Variants in GART observed in about 807,000 individuals in gnomAD.
The protein encoded by GART is trifunctional purine biosynthetic protein adenosine-3.
Under a neutral mutation model 107.2 loss-of-function variants are expected in GART, and 43 were observed. That is an observed-to-expected ratio of 0.40 (90% CI 0.31 to 0.52). The LOEUF is 0.52. Among genes scored for constraint, GART ranks in the 20% least tolerant of loss-of-function variants. The probability of loss-of-function intolerance (pLI) is 0.52; values close to 1 mark genes in which losing one functional copy is unlikely to be tolerated. For synonymous variants in GART, 434 were observed against 427.0 expected (o/e 1.02, Z -0.20); for missense variants, 1,107 against 1,206.5 (o/e 0.92, Z 1.22).
At chr21:33,532,542 T>C (rs1404380549) in intron 4 of GART, 86 bp from the exon 5 acceptor site, 2 of 938,008 alleles carry the variant, frequency 2.1e-6, no homozygotes, top group Admixed American at 2.0e-5. Context: ...AACGATATGC[T>C]ATAGCAATGA....
chr21:33,536,421 A>G (rs952402510), intron 2 of GART, among the ~76,000 whole-genome samples: 1 of 152,180 alleles, frequency 6.6e-6, no homozygotes, highest in Non-Finnish European at 1.5e-5. Flanking sequence ...TGAAGTGTGC[A>G]ATCACTCTGC....
intron 2 of GART, 105 bp from the exon 3 acceptor site, chr21:33,535,425 G>T: frequency 1.6e-6 from 1 of 620,200 alleles, no homozygotes; most frequent in Non-Finnish European, 2.6e-6. Flanking sequence ...ACTTTAGTAT[G>T]CTTGTTATCT....
chr21:33,541,900 A>G (rs970081483), intron 1 of GART, among the ~76,000 whole-genome samples, 165 bp downstream of exon 1: 1 of 152,228 alleles, frequency 6.6e-6, no homozygotes, highest in Non-Finnish European at 1.5e-5. Context: ...AAACCAGCTA[A>G]CAGTAGCAAG....
At chr21:33,528,963 A>C in intron 7 of GART, 26 bp from the exon 8 acceptor site, 1 of 1,473,774 alleles carries the variant, frequency 6.8e-7, no homozygotes, top group South Asian at 1.1e-5. Context: ...AAACAGTTAA[A>C]TGTAACAGGT....
chr21:33,524,993 A>C lies in GART; in HGVS notation c.1074T>G (p.Pro358=), dbSNP rs2085044584. The change falls in exon 11 of 22, where the codon CCT becomes CCG. Residue 358 remains proline, a synonymous_variant. Coordinates refer to ENST00000381815, the MANE Select transcript of GART (RefSeq NM_000819.5). Reference sequence around the variant, plus strand: ...CCTCCAGTCCTAGAGCTTGAGCCTCAGGAAACCCTAGAAGAGAGCATATTT... The same window carrying C: ...CCTCCAGTCCTAGAGCTTGAGCCTCCGGAAACCCTAGAAGAGAGCATATTT... ...YTKGVEITGF[P]EAQALGLEVF... is the part of the protein sequence containing the mutation. 2.5e-6 allele frequency: 4 copies of C among 1,613,974 alleles called. No homozygotes were observed. Among genetic ancestry groups the C allele is most frequent in the Non-Finnish European group, 3.4e-6 (4 of 1,179,934 alleles).
intron 1 of GART, 62 bp from the exon 2 acceptor site, chr21:33,539,418 C>T: frequency 7.7e-7 from 1 of 1,300,844 alleles, no homozygotes; most frequent in East Asian, 2.5e-5. Flanking sequence ...CAGGGACGGG[C>T]ACAGTGGCTC....
intron 16 of GART, among the ~76,000 whole-genome samples, chr21:33,516,705 C>G (rs772416887): frequency 6.6e-6 from 1 of 152,056 alleles, no homozygotes; most frequent in Non-Finnish European, 1.5e-5. Flanking sequence ...GTGTAGGGCT[C>G]CATCTTAATA....
At chr21:33,526,435 A>T (rs911318605) in intron 10 of GART, among the ~76,000 whole-genome samples, 1 of 152,120 alleles carries the variant, frequency 6.6e-6, no homozygotes, top group African/African-American at 2.4e-5. Flanking sequence ...CGGCCTCCCC[A>T]AGTGTTAGGA....
In GART at chr21:33,504,321, A is replaced by C. The variant is rs1172275844; in HGVS notation, c.2842-6T>G. On this transcript the variant is annotated splice_polypyrimidine_tract_variant and splice_region_variant and intron_variant, in intron 21 of 21. Transcript: ENST00000381815. ...TGTCCAGCATCCACATCTTCCTGGA[A>C]AAGTAAGCAAAAGTTTTGAACATTA... 1.2e-6 allele frequency: 2 copies of C among 1,612,850 alleles called. No individual in the cohort carries two copies. The highest frequency in any genetic ancestry group is 4.5e-5 in the East Asian group (2 of 44,856).
intron 10 of GART, among the ~76,000 whole-genome samples, chr21:33,526,535 G>T (rs554360888): frequency 6.6e-6 from 1 of 151,048 alleles, no homozygotes; most frequent in South Asian, 2.1e-4. Context: ...TTTCTTTTTC[G>T]ATTTTTTTTT....
chr21:33,530,744 G>A lies in GART; in HGVS notation c.723+15C>T, dbSNP rs2085169794. On this transcript the variant is annotated intron_variant, in intron 7 of 21. Transcript: ENST00000381815. Reference sequence around the variant, plus strand: ...CAAACTACTACAAGACTTCAGCAGAGTCTTCGGGAAGTACCTGAGGGGCTG... The same window carrying A: ...CAAACTACTACAAGACTTCAGCAGAATCTTCGGGAAGTACCTGAGGGGCTG... The A allele has an allele frequency of 4.9e-6, 7 of 1,437,362 alleles. No homozygotes were observed. In the East Asian group the frequency reaches 1.9e-4, roughly 39 times the overall value. The allele number at this position is 1,437,362 out of a possible 1,614,324, so 89.0% of individuals were successfully genotyped here.
chr21:33,530,610 G>C, intron 7 of GART, 149 bp downstream of exon 7: 1 of 819,126 alleles, frequency 1.2e-6, no homozygotes, highest in Non-Finnish European at 1.7e-6. Flanking sequence ...TTAGAGACCA[G>C]AAAAGATACT....
chr21:33,516,270 A>G (rs2145701397), intron 16 of GART, among the ~76,000 whole-genome samples: 1 of 142,748 alleles, frequency 7.0e-6, no homozygotes, highest in Non-Finnish European at 1.6e-5. Flanking sequence ...AAAAAAAAAG[A>G]AAAGAAAAAA....
In GART at chr21:33,541,616, C is replaced by T. The variant is rs188158066; in HGVS notation, c.-42+449G>A. ...CTTGGCCTGGGTAGAGACGCTGCCC[C>T]ATACTAGCAGGAAGACCTTGGGGGA... On this transcript the variant is annotated intron_variant, in intron 1 of 21. Coordinates refer to ENST00000381815, the MANE Select transcript of GART (RefSeq NM_000819.5). Among the ~76,000 whole-genome samples, 266 of 152,306 alleles carry T rather than the reference C, an allele frequency of 1.7e-3. 2 individuals are homozygous for T. The highest frequency in any genetic ancestry group is 6.2e-3 in the African/African-American group (256 of 41,566).
chr21:33,524,023 T>C lies in GART; in HGVS notation c.1298+746A>G. 3 of 972,824 alleles carry C rather than the reference T, an allele frequency of 3.1e-6. No individual in the cohort carries two copies. The South Asian group carries it at 1.4e-4, about 46-fold the overall frequency. The allele number at this position is 972,824 out of a possible 1,614,324, so 60.3% of individuals were successfully genotyped here. On this transcript the variant is annotated intron_variant, in intron 11 of 21. Transcript: ENST00000381815. ...AAACACCCACATTTCCAACTAAGAC[T>C]TTATTGATTTTACAAGTCAACAGTT... is the stretch of plus-strand genomic sequence containing the variant.
chr21:33,538,820 G>A (rs775508137), intron 2 of GART, among the ~76,000 whole-genome samples: 42 of 152,152 alleles, frequency 2.8e-4, no homozygotes, highest in African/African-American at 8.9e-4. Flanking sequence ...TCATTCTGTC[G>A]CCCAGGCTGG....
At chr21:33,525,559 T>C (rs116216787) in intron 10 of GART, among the ~76,000 whole-genome samples, 104 of 152,108 alleles carry the variant, frequency 6.8e-4, no homozygotes, top group African/African-American at 2.5e-3. Context: ...ACCTCAGGAG[T>C]AGCTGGGACT....
rs187931029 is a variant in GART at position 33,541,230 on chromosome 21, C to A, written c.-42+835G>T. ...TGTGATCTCAGCTCACTACAACCTC[C>A]GCCTCCCGGGTTCAAGCGATTCTCT... On this transcript the variant is annotated intron_variant, in intron 1 of 21. Coordinates refer to ENST00000381815, the MANE Select transcript of GART (RefSeq NM_000819.5). 3.9e-5 allele frequency among the ~76,000 whole-genome samples: 6 copies of A among 152,226 alleles called. No individual in the cohort carries two copies. In the East Asian group the frequency reaches 1.2e-3, roughly 29 times the overall value.
Position 33,504,092 on chromosome 21 carries a change from C to G in GART, c.*32G>C, listed in dbSNP as rs1239604953. 6.4e-6 allele frequency: 10 copies of G among 1,558,280 alleles called. No individual in the cohort carries two copies. The South Asian group carries it at 1.1e-4, about 17-fold the overall frequency. On this transcript the variant is annotated 3_prime_UTR_variant, in exon 22 of 22. Transcript: ENST00000381815. ...CCATGCAAACAGCAAATAATTCTTT[C>G]TAAACTGGCCCCATTTCTGAATTAA...
Sources: gnomAD v4.1 joint callset for allele counts (sites outside exome capture counted in the v4.1 genomes callset) on GRCh38, gnomAD v4.1.1 for gene constraint, MANE v1.5 for transcripts, NCBI Gene and HGNC (gene_info 2026-07-23, HGNC 2026-07-21) for gene names.